Variants in CDYL2 observed in about 807,000 individuals in gnomAD.
CDYL2 encodes the protein chromodomain Y-like protein 2.
Under a neutral mutation model 49.4 loss-of-function variants are expected in CDYL2, and 23 were observed. The observed-to-expected ratio is 0.47, with a 90% CI of 0.34 to 0.66. CDYL2 has a LOEUF of 0.66. CDYL2 is among the 30% of genes least tolerant of loss of function. CDYL2 has a pLI of 0.01. For missense variants in CDYL2, 678 were observed against 656.4 expected, an observed-to-expected ratio of 1.03 and a Z score of -0.36; for synonymous variants, 360 against 268.8, an observed-to-expected ratio of 1.34 and a Z score of -3.32.
chr16:80,736,472 C>A (rs1229678405), intron 1 of CDYL2: 1 of 152,172 alleles, frequency 6.6e-6, no homozygotes, highest in Non-Finnish European at 1.5e-5. Flanking sequence ...AAGCTGAACC[C>A]CCAGTCTCTT....
At chr16:80,785,819 G>A (rs117940961) in intron 1 of CDYL2, among the ~76,000 whole-genome samples, 1,579 of 152,140 alleles carry the variant, frequency 0.01, 17 homozygotes, top group Non-Finnish European at 0.016. Context: ...CACATCTACC[G>A]TCATCCGATC....
chr16:80,752,732 A>G (rs1906178374), intron 1 of CDYL2, among the ~76,000 whole-genome samples: 1 of 152,220 alleles, frequency 6.6e-6, no homozygotes, highest in South Asian at 2.1e-4. Flanking sequence ...AAAGCGGGAA[A>G]GCTCTGTCAG....
At chr16:80,750,939 G>T (rs940351203) in intron 1 of CDYL2, among the ~76,000 whole-genome samples, 2 of 152,086 alleles carry the variant, frequency 1.3e-5, no homozygotes. Context: ...AGAATGGCGT[G>T]AACCCGGGAG....
intron 1 of CDYL2, among the ~76,000 whole-genome samples, chr16:80,722,852 C>G (rs950988992): frequency 4.6e-5 from 7 of 152,220 alleles, no homozygotes; most frequent in Admixed American, 2.0e-4. Flanking sequence ...GTGCCCTAAG[C>G]TTCCAACATA....
chr16:80,771,547 AT>A (rs1225800051), intron 1 of CDYL2, among the ~76,000 whole-genome samples: 7 of 152,334 alleles, frequency 4.6e-5, no homozygotes, highest in African/African-American at 1.7e-4. Flanking sequence ...CTACCAAAAA[AT>A]ACAAAAATTA....
At chr16:80,678,343 A>C (rs2142464130) in intron 2 of CDYL2, among the ~76,000 whole-genome samples, 1 of 152,234 alleles carries the variant, frequency 6.6e-6, no homozygotes, top group East Asian at 1.9e-4. Context: ...AATGGGAGAA[A>C]ATTTTCGCAA....
chr16:80,643,908 G>C (rs1222393437), intron 2 of CDYL2, among the ~76,000 whole-genome samples: 3 of 152,188 alleles, frequency 2.0e-5, no homozygotes, highest in African/African-American at 4.8e-5. Context: ...CACTGTCTTG[G>C]GGATTAACAT....
chr16:80,619,399 G>C (rs1289180765), intron 4 of CDYL2, among the ~76,000 whole-genome samples: 1 of 152,134 alleles, frequency 6.6e-6, no homozygotes, highest in East Asian at 1.9e-4. Flanking sequence ...TGAAAACGAG[G>C]GGCTGTGTCA....
chr16:80,608,863 T>A (rs1433884816), intron 5 of CDYL2, among the ~76,000 whole-genome samples: 1 of 152,164 alleles, frequency 6.6e-6, no homozygotes, highest in Admixed American at 6.6e-5. Context: ...CCCAGCCCTG[T>A]CTCCCCAAGG....
chr16:80,762,274 G>A (rs957333581), intron 1 of CDYL2, among the ~76,000 whole-genome samples: 23 of 152,292 alleles, frequency 1.5e-4, no homozygotes, highest in African/African-American at 4.6e-4. Flanking sequence ...CAGAAGAGTC[G>A]CAGAGTGAAA....
intron 1 of CDYL2, among the ~76,000 whole-genome samples, chr16:80,707,912 A>G (rs1567579299): frequency 6.6e-6 from 1 of 152,258 alleles, no homozygotes; most frequent in East Asian, 1.9e-4. Context: ...TTAAACCACA[A>G]GTTTTTTTCT....
rs560891722 is a variant in CDYL2 at position 80,599,728 on chromosome 16, T to C, written c.*4660A>G. On this transcript the variant is annotated 3_prime_UTR_variant, in exon 7 of 7. Transcript: ENST00000570137. ...CATCGACAAGGAATCTGGGGCCAAC[T>C]GCCAGGGTCAGGAGCAGGAAATGCC... The C allele has an allele frequency of 1.3e-5, 2 of 152,196 alleles. No individual in the cohort carries two copies. The highest frequency in any genetic ancestry group is 2.4e-5 in the African/African-American group (1 of 41,442). 9.4% of individuals were successfully genotyped at this position (152,196 alleles called of 1,614,324 possible). A position where few individuals can be genotyped will look rare whatever the true frequency, so the allele number is the denominator to read the frequency against.
At chr16:80,673,809 G>A (rs1393289258) in intron 2 of CDYL2, among the ~76,000 whole-genome samples, 1 of 152,190 alleles carries the variant, frequency 6.6e-6, no homozygotes. Context: ...TTGGAGATGG[G>A]AGATTATCCT....
intron 3 of CDYL2, among the ~76,000 whole-genome samples, chr16:80,630,891 G>A (rs1397420145): frequency 6.6e-6 from 1 of 152,046 alleles, no homozygotes. Context: ...GATGGTACGG[G>A]GTACACTGGA....
At chr16:80,734,125 A>G (rs112291093) in intron 1 of CDYL2, among the ~76,000 whole-genome samples, 3 of 152,356 alleles carry the variant, frequency 2.0e-5, no homozygotes, top group African/African-American at 4.8e-5. Flanking sequence ...TGGGCATCTC[A>G]TATCAGTTAT....
At chr16:80,633,576 A>G (rs921456743) in intron 2 of CDYL2, among the ~76,000 whole-genome samples, 2 of 152,358 alleles carry the variant, frequency 1.3e-5, no homozygotes, top group African/African-American at 2.4e-5. Context: ...GTGGATGCCT[A>G]TGAATCATAG....
At chr16:80,715,703 A>AT (rs1243972441) in intron 1 of CDYL2, among the ~76,000 whole-genome samples, 1 of 152,014 alleles carries the variant, frequency 6.6e-6, no homozygotes, top group African/African-American at 2.4e-5. Flanking sequence ...GAACATGTAA[A>AT]ACCCTTAAAA....
chr16:80,645,841 T>C (rs990183980), intron 2 of CDYL2, among the ~76,000 whole-genome samples: 7 of 151,774 alleles, frequency 4.6e-5, no homozygotes, highest in Non-Finnish European at 8.8e-5. Flanking sequence ...TGTAGGGACA[T>C]GGATGAAGCT....
At chr16:80,687,319 G>C (rs1186349565) in intron 1 of CDYL2, among the ~76,000 whole-genome samples, 2 of 152,158 alleles carry the variant, frequency 1.3e-5, no homozygotes, top group African/African-American at 4.8e-5. Context: ...TCTTCCCCAG[G>C]ATGAAGTGGA....
Sources: gnomAD v4.1 joint callset for allele counts (sites outside exome capture counted in the v4.1 genomes callset) on GRCh38, gnomAD v4.1.1 for gene constraint, MANE v1.5 for transcripts, NCBI Gene and HGNC (gene_info 2026-07-23, HGNC 2026-07-21) for gene names.